The following KCNQ1 variants were observed in gnomAD, a reference collection of about 807,000 sequenced individuals.
KCNQ1 encodes potassium voltage-gated channel subfamily KQT member 1.
In KCNQ1, 49 loss-of-function variants were observed where a neutral mutation model predicts 72.4. That is an observed-to-expected ratio of 0.68 (90% CI 0.54 to 0.86). The LOEUF is 0.86. KCNQ1 is among the 40% of genes least tolerant of loss of function. The pLI, the probability that KCNQ1 is intolerant of heterozygous loss-of-function variation, is 0.00. For synonymous variants in KCNQ1, 450 were observed against 412.6 expected, an observed-to-expected ratio of 1.09 and a Z score of -1.10; for missense variants, 790 against 945.1, an observed-to-expected ratio of 0.84 and a Z score of 2.15.
rs893511971 is a variant in KCNQ1 at position 2,766,723 on chromosome 11, T to C, written c.1515-2121T>C. On this transcript the variant is annotated intron_variant, in intron 11 of 15. Transcript: ENST00000155840. The surrounding 1 kb of genome is among the most constrained non-coding windows in gnomAD (Gnocchi z 4.4). ...GTGGCATCATGCTCAAAGTCCGACATCTTGTGATCTGCCCCTTCCAGCCTC... is the reference window on the plus strand; with the variant it reads ...GTGGCATCATGCTCAAAGTCCGACACCTTGTGATCTGCCCCTTCCAGCCTC... Among the ~76,000 whole-genome samples, 1 of 152,222 alleles carries C rather than the reference T, an allele frequency of 6.6e-6. No homozygotes were observed. Among genetic ancestry groups the C allele is most frequent in the African/African-American group, 2.4e-5 (1 of 41,462 alleles).
chr11:2,502,689 C>A (rs1116249), intron 1 of KCNQ1, among the ~76,000 whole-genome samples: 84,447 of 151,946 alleles, frequency 0.56, 24,497 homozygotes, highest in Non-Finnish European at 0.64. Context: ...AAACACTCCT[C>A]AAACTTATAT....
intron 6 of KCNQ1, among the ~76,000 whole-genome samples, chr11:2,573,919 G>A (rs1848378934): frequency 6.6e-6 from 1 of 152,252 alleles, no homozygotes; most frequent in Admixed American, 6.5e-5. Flanking sequence ...ACTGGCCTGT[G>A]GGCCCAGCAG....
rs1846744443 is a variant in KCNQ1, at chr11:2,486,656, T to TGCCA, written c.386+41175_386+41178dup. ...TCTGCAGGCTGTACAAGAAACATGG[T>TGCCA]GCCAGCACCTGCTTCTGGCGAGAGC... On this transcript the variant is annotated intron_variant, in intron 1 of 15. Coordinates refer to ENST00000155840, the MANE Select transcript of KCNQ1 (RefSeq NM_000218.3). The surrounding 1 kb of genome is among the most constrained non-coding windows in gnomAD (Gnocchi z 5.0). 6.6e-6 allele frequency among the ~76,000 whole-genome samples: 1 copy of TGCCA among 152,228 alleles called. No individual in the cohort carries two copies. Among genetic ancestry groups the TGCCA allele is most frequent in the African/African-American group, 2.4e-5 (1 of 41,472 alleles).
In KCNQ1 at chr11:2,664,099, C is replaced by A; in HGVS notation, c.1514+2018C>A. On this transcript the variant is annotated intron_variant, in intron 11 of 15. Transcript: ENST00000155840. This position sits in a 1 kb window ranked among gnomAD's most constrained non-coding sequence, Gnocchi z 5.1. ...GCCCAGGCAGGTCAGAGACTCCAGTCATTACCCAACCAGGTCCCTGCCCTG... is the reference window on the plus strand; with the variant it reads ...GCCCAGGCAGGTCAGAGACTCCAGTAATTACCCAACCAGGTCCCTGCCCTG... The A allele has an allele frequency of 2.5e-6, 1 of 398,710 alleles. No homozygotes were observed. Among genetic ancestry groups the A allele is most frequent in the South Asian group, 1.3e-4 (1 of 7,818 alleles). 24.7% of individuals were successfully genotyped at this position (398,710 alleles called of 1,614,324 possible).
intron 1 of KCNQ1, among the ~76,000 whole-genome samples, chr11:2,490,344 G>C (rs759073250): frequency 1.3e-5 from 2 of 152,328 alleles, no homozygotes; most frequent in Non-Finnish European, 2.9e-5. Context: ...TTGGACTTGG[G>C]GGAACTCACC....
chr11:2,597,379 T>C (rs1337262265), intron 10 of KCNQ1, among the ~76,000 whole-genome samples: 1 of 152,230 alleles, frequency 6.6e-6, no homozygotes, highest in Non-Finnish European at 1.5e-5. Context: ...ATCATCAGGA[T>C]ATTGATTTCT....
Position 2,613,910 on chromosome 11 carries a change from A to T in KCNQ1, c.1393+25056A>T. ...TTTTCTCATTTCCCAAAAAAGTACT[A>T]TTCTGTATATGCCCTTTTGAACTTT... On this transcript the variant is annotated intron_variant, in intron 10 of 15. Transcript: ENST00000155840. The surrounding 1 kb of genome is among the most constrained non-coding windows in gnomAD (Gnocchi z 4.8). The T allele has an allele frequency of 2.5e-6, 1 of 398,524 alleles. No homozygotes were observed. Among genetic ancestry groups the T allele is most frequent in the East Asian group, 3.6e-5 (1 of 28,066 alleles). The allele number at this position is 398,524 out of a possible 1,614,324, so 24.7% of individuals were successfully genotyped here.
Position 2,508,630 on chromosome 11 carries a change from A to G in KCNQ1, c.387-19298A>G, listed in dbSNP as rs1847144715. On this transcript the variant is annotated intron_variant, in intron 1 of 15. Transcript: ENST00000155840. This position sits in a 1 kb window ranked among gnomAD's most constrained non-coding sequence, Gnocchi z 6.2. ...CCAGACTAGCAGGTGGGCTTCTCAG[A>G]GCACAGAGGGTGTGGGTGACCCAGA... Among the ~76,000 whole-genome samples, 2 of 152,230 alleles carry G rather than the reference A, an allele frequency of 1.3e-5. No homozygotes were observed. Among genetic ancestry groups the G allele is most frequent in the African/African-American group, 2.4e-5 (1 of 41,534 alleles).
chr11:2,609,440 A>G (rs1394537820), intron 10 of KCNQ1: 6 of 398,336 alleles, frequency 1.5e-5, no homozygotes, highest in Non-Finnish European at 2.7e-5. Context: ...GTGACTTAGC[A>G]TATGGTCCTT....
Position 2,698,124 on chromosome 11 carries a change from A to AG in KCNQ1, c.1514+36044dup, listed in dbSNP as rs1290520512. Reference sequence around the variant, plus strand: ...GTGTATCAGGCTCTTGGCTGGGTACAGAGCAGGCAGCAGAAAACAAAACAG... The same window carrying AG: ...GTGTATCAGGCTCTTGGCTGGGTACAGGAGCAGGCAGCAGAAAACAAAACAG... On this transcript the variant is annotated intron_variant, in intron 11 of 15. Transcript: ENST00000155840. This position sits in a 1 kb window ranked among gnomAD's most constrained non-coding sequence, Gnocchi z 5.1. The AG allele has an allele frequency of 2.5e-6, 1 of 398,566 alleles. No homozygotes were observed. The highest frequency in any genetic ancestry group is 4.4e-6 in the Non-Finnish European group (1 of 226,072). 24.7% of individuals were successfully genotyped at this position (398,566 alleles called of 1,614,324 possible).
intron 10 of KCNQ1, chr11:2,622,424 A>G: frequency 2.5e-6 from 1 of 398,262 alleles, no homozygotes; most frequent in Admixed American, 4.4e-5. Context: ...TTCACTTTCA[A>G]TCTACTTGTG....
intron 1 of KCNQ1, among the ~76,000 whole-genome samples, chr11:2,502,805 C>T (rs530155835): frequency 6.6e-6 from 1 of 152,104 alleles, no homozygotes; most frequent in Non-Finnish European, 1.5e-5. Flanking sequence ...TCATAGTAAC[C>T]AAAACAGTAT....
intron 1 of KCNQ1, chr11:2,461,813 G>T: frequency 2.0e-6 from 2 of 995,064 alleles, no homozygotes; most frequent in Non-Finnish European, 2.8e-6. Flanking sequence ...TAGATGGGTG[G>T]ACAGCTGGAT....
rs1041841268 is a variant in KCNQ1, at chr11:2,608,750, A to G, written c.1393+19896A>G. 3 of 398,472 alleles carry G rather than the reference A, an allele frequency of 7.5e-6. No homozygotes were observed. Among genetic ancestry groups the G allele is most frequent in the African/African-American group, 6.2e-5 (3 of 48,592 alleles). The allele number at this position is 398,472 out of a possible 1,614,324, so 24.7% of individuals were successfully genotyped here. ...GCAATTCTCCTGCCTTGGCCTCCCA[A>G]AGTGCTGGGATTACAGGTGTGAGCC... is the stretch of plus-strand genomic sequence containing the variant. On this transcript the variant is annotated intron_variant, in intron 10 of 15. Transcript: ENST00000155840. The surrounding 1 kb of genome is among the most constrained non-coding windows in gnomAD (Gnocchi z 4.6).
intron 2 of KCNQ1, among the ~76,000 whole-genome samples, chr11:2,556,730 T>C (rs1055032095): frequency 2.0e-5 from 3 of 152,218 alleles, no homozygotes; most frequent in African/African-American, 7.2e-5. Context: ...CAAATTCTTA[T>C]CTTCCTGAGG....
intron 11 of KCNQ1, among the ~76,000 whole-genome samples, chr11:2,729,225 C>T (rs1298141386): frequency 1.3e-5 from 2 of 152,270 alleles, no homozygotes; most frequent in Non-Finnish European, 2.9e-5. Context: ...CTCCCTTGAG[C>T]CCCCTGCCAC....
In KCNQ1 at chr11:2,617,590, T is replaced by G. The variant is rs149747738; in HGVS notation, c.1393+28736T>G. On this transcript the variant is annotated intron_variant, in intron 10 of 15. Transcript: ENST00000155840. This position sits in a 1 kb window ranked among gnomAD's most constrained non-coding sequence, Gnocchi z 4.6. Reference sequence around the variant, plus strand: ...TTGGGAATATACCTAGAAGAGGGATTAGTGGGTCAGATGATAGTATATTTT... The same window carrying G: ...TTGGGAATATACCTAGAAGAGGGATGAGTGGGTCAGATGATAGTATATTTT... The G allele has an allele frequency of 4.0e-5, 16 of 398,420 alleles. No individual in the cohort carries two copies. In the Admixed American group the frequency reaches 6.2e-4, roughly 15 times the overall value. 24.7% of individuals were successfully genotyped at this position (398,420 alleles called of 1,614,324 possible).
rs1848247776 is a variant in KCNQ1, at chr11:2,566,382, C to CA, written c.478-4246_478-4245insA. Among the ~76,000 whole-genome samples, 1 of 152,214 alleles carries CA rather than the reference C, an allele frequency of 6.6e-6. No individual in the cohort carries two copies. The highest frequency in any genetic ancestry group is 1.5e-5 in the Non-Finnish European group (1 of 68,036). The stretch of plus-strand genomic sequence containing the variant: ...ACACCCGAGGACACCTGTACCTTGT[C>CA]CCGGGGCGGGGCTCTCTCTGCCATG... On this transcript the variant is annotated intron_variant, in intron 2 of 15. Coordinates refer to ENST00000155840, the MANE Select transcript of KCNQ1 (RefSeq NM_000218.3). This position sits in a 1 kb window ranked among gnomAD's most constrained non-coding sequence, Gnocchi z 6.7.
chr11:2,845,043 G>A (rs1848293920), intron 15 of KCNQ1, among the ~76,000 whole-genome samples: 1 of 152,158 alleles, frequency 6.6e-6, no homozygotes, highest in South Asian at 2.1e-4. Context: ...CTGGGCCTCA[G>A]TTTCCTCATG....
Sources: allele counts gnomAD v4.1 joint callset (sites outside exome capture counted in the v4.1 genomes callset), GRCh38; gene constraint gnomAD v4.1.1; non-coding constraint Gnocchi (gnomAD v3.1); transcripts MANE v1.5; gene names NCBI Gene and HGNC (gene_info 2026-07-23, HGNC 2026-07-21).